The following PTPRD variants were observed in gnomAD, a reference collection of about 807,000 sequenced individuals.
PTPRD encodes the protein receptor-type tyrosine-protein phosphatase delta.
Under a neutral mutation model 214.5 loss-of-function variants are expected in PTPRD, and 34 were observed. The ratio of observed to expected loss-of-function variants is 0.16; its 90% CI spans 0.12 to 0.21. The LOEUF (loss-of-function observed/expected upper bound fraction) is 0.21. Among genes scored for constraint, PTPRD ranks in the 10% least tolerant of loss-of-function variants. The probability of loss-of-function intolerance (pLI) is 1.00; values close to 1 mark genes in which losing one functional copy is unlikely to be tolerated. For synonymous variants in PTPRD, 1,128 were observed against 845.7 expected (o/e 1.33, Z -5.79); for missense variants, 2,545 against 2,398.7 (o/e 1.06, Z -1.27).
intron 10 of PTPRD, among the ~76,000 whole-genome samples, chr9:9,134,009 C>A (rs2099846869): frequency 6.6e-6 from 1 of 151,752 alleles, no homozygotes; most frequent in Admixed American, 6.6e-5. Context: ...ATCTGCTACT[C>A]CTGCAGTCTT....
chr9:8,484,617 C>CATATATATATCTAT (rs2096958692), intron 29 of PTPRD, among the ~76,000 whole-genome samples: 1 of 147,748 alleles, frequency 6.8e-6, no homozygotes, highest in Non-Finnish European at 1.5e-5. Flanking sequence ...TAGATATATA[C>CATATATATATCTAT]ATATATATAT....
At chr9:9,186,583 C>A (rs1294533885) in intron 9 of PTPRD, among the ~76,000 whole-genome samples, 1 of 151,694 alleles carries the variant, frequency 6.6e-6, no homozygotes, top group Non-Finnish European at 1.5e-5. Flanking sequence ...CGCACTCCAA[C>A]CTGGACAACA....
rs1464669593 is a variant in PTPRD at position 9,543,272 on chromosome 9, T to C, written c.-237+31460A>G. On this transcript the variant is annotated intron_variant, in intron 8 of 45. Coordinates refer to ENST00000381196, the MANE Select transcript of PTPRD (RefSeq NM_002839.4). Reference sequence around the variant, plus strand: ...GACATAACAAATTATGGGGATGCTATTCAGAAAATGTTGCCACTGGTGGAT... The same window carrying C: ...GACATAACAAATTATGGGGATGCTACTCAGAAAATGTTGCCACTGGTGGAT... Among the ~76,000 whole-genome samples, 13 of 151,676 alleles carry C rather than the reference T, an allele frequency of 8.6e-5. No individual in the cohort carries two copies. In the Admixed American group the frequency reaches 8.6e-4, roughly 10 times the overall value.
In PTPRD at chr9:8,485,890, T is replaced by G. The variant is rs767404549; in HGVS notation, c.2927A>C (p.Asp976Ala). 7 of 1,614,058 alleles carry G rather than the reference T, an allele frequency of 4.3e-6. No individual in the cohort carries two copies. The highest frequency in any genetic ancestry group is 3.3e-5 in the South Asian group (3 of 91,090). Reference protein sequence around the residue: ...LPMEQLIVPADTTMTLTGLKP... With the variant: ...LPMEQLIVPAATTMTLTGLKP... The stretch of plus-strand genomic sequence containing the variant: ...TAAGCCAGTGAGTGTCATAGTGGTG[T>G]CAGCTGGAACAATAAGCTGCTCCAT... Residue 976 changes from aspartate to alanine, a missense_variant, in exon 28 of 46, where the codon GAC (aspartate) becomes GCC (alanine). Asp to Ala is a moderately radical substitution (Grantham distance 126). Transcript: ENST00000381196.
At chr9:8,928,999 G>A (rs558125934) in intron 11 of PTPRD, among the ~76,000 whole-genome samples, 9 of 152,114 alleles carry the variant, frequency 5.9e-5, no homozygotes, top group African/African-American at 2.2e-4. Flanking sequence ...GTCTATTATT[G>A]GTGTATAGGA....
At chr9:9,233,981 C>A (rs947887052) in intron 9 of PTPRD, among the ~76,000 whole-genome samples, 2 of 152,110 alleles carry the variant, frequency 1.3e-5, no homozygotes, top group Non-Finnish European at 2.9e-5. Flanking sequence ...GGATGATGGC[C>A]CTTTTTTTCA....
Position 10,055,076 on chromosome 9 carries a change from C to A in PTPRD, c.-544-21286G>T, listed in dbSNP as rs146015961. Among the ~76,000 whole-genome samples, 549 of 152,156 alleles carry A rather than the reference C, an allele frequency of 3.6e-3. 7 individuals are homozygous for A. Among genetic ancestry groups the A allele is most frequent in the African/African-American group, 0.013 (531 of 41,534 alleles). ...ATGTGAGGACCCAGCAAGAAGGTGGCCCTCTGCAAGTTGAAGAGGGCCTTC... is the reference window on the plus strand; with the variant it reads ...ATGTGAGGACCCAGCAAGAAGGTGGACCTCTGCAAGTTGAAGAGGGCCTTC... On this transcript the variant is annotated intron_variant, in intron 3 of 45. Coordinates refer to ENST00000381196, the MANE Select transcript of PTPRD (RefSeq NM_002839.4).
intron 8 of PTPRD, among the ~76,000 whole-genome samples, chr9:9,471,169 C>A (rs756177768): frequency 6.6e-6 from 1 of 152,106 alleles, no homozygotes; most frequent in Non-Finnish European, 1.5e-5. Context: ...GTATCATTTT[C>A]CCAGACATAT....
intron 39 of PTPRD, among the ~76,000 whole-genome samples, chr9:8,344,514 G>A (rs2132705851): frequency 6.6e-6 from 1 of 151,800 alleles, no homozygotes; most frequent in Non-Finnish European, 1.5e-5. Flanking sequence ...ATCATGAATT[G>A]TGGGATGAAA....
intron 6 of PTPRD, among the ~76,000 whole-genome samples, chr9:9,754,535 G>T (rs2098550798): frequency 6.6e-6 from 1 of 151,980 alleles, no homozygotes; most frequent in African/African-American, 2.4e-5. Flanking sequence ...GGCAAAAAAT[G>T]CATTAGCATC....
rs895788463 is a variant in PTPRD, at chr9:10,083,344, G to T, written c.-544-49554C>A. Among the ~76,000 whole-genome samples the T allele has an allele frequency of 5.9e-5, 9 of 151,954 alleles. 1 individual carries two copies. Among genetic ancestry groups the T allele is most frequent in the Non-Finnish European group, 1.2e-4 (8 of 67,980 alleles). Reference sequence around the variant, plus strand: ...CTTATAAGTCTTAAGCATTCTCAATGCCTATGTAGGTTTTCATATACACAG... The same window carrying T: ...CTTATAAGTCTTAAGCATTCTCAATTCCTATGTAGGTTTTCATATACACAG... On this transcript the variant is annotated intron_variant, in intron 3 of 45. Transcript: ENST00000381196.
intron 36 of PTPRD, among the ~76,000 whole-genome samples, chr9:8,402,073 G>A (rs2092462724): frequency 6.6e-6 from 1 of 152,172 alleles, no homozygotes; most frequent in Non-Finnish European, 1.5e-5. Context: ...ATGATTGACT[G>A]CCCTCAAGAA....
rs184419372 is a variant in PTPRD, at chr9:8,579,131, C to T, written c.353-50352G>A. On this transcript the variant is annotated intron_variant, in intron 14 of 45. Coordinates refer to ENST00000381196, the MANE Select transcript of PTPRD (RefSeq NM_002839.4). The stretch of plus-strand genomic sequence containing the variant: ...AGAAACAGGGAGAATAAGGATATTG[C>T]TATAGCATGGTATCATCTAAAATCA... Among the ~76,000 whole-genome samples, 535 of 152,258 alleles carry T rather than the reference C, an allele frequency of 3.5e-3. 3 individuals are homozygous for T. The highest frequency in any genetic ancestry group is 4.4e-3 in the Non-Finnish European group (300 of 68,016).
At chr9:9,550,887 A>G (rs960176338) in intron 8 of PTPRD, among the ~76,000 whole-genome samples, 4 of 151,988 alleles carry the variant, frequency 2.6e-5, no homozygotes, top group Non-Finnish European at 5.9e-5. Context: ...TAAAATCACA[A>G]GAACATATCA....
At chr9:9,548,477 G>A (rs1306216895) in intron 8 of PTPRD, among the ~76,000 whole-genome samples, 13 of 143,532 alleles carry the variant, frequency 9.1e-5, no homozygotes, top group African/African-American at 3.4e-4. Context: ...ACATGATCTT[G>A]GTTCACTGTA....
chr9:8,840,121 T>C (rs2097530170), intron 11 of PTPRD, among the ~76,000 whole-genome samples: 1 of 152,170 alleles, frequency 6.6e-6, no homozygotes, highest in African/African-American at 2.4e-5. Context: ...AACGGTAACA[T>C]CAGTATCCCT....
chr9:9,582,595 C>A (rs1490532531), intron 7 of PTPRD, among the ~76,000 whole-genome samples: 1 of 152,018 alleles, frequency 6.6e-6, no homozygotes, highest in African/African-American at 2.4e-5. Context: ...GGAATAACTG[C>A]TAATGGGTAA....
At chr9:10,418,840 A>T (rs1207146143) in intron 2 of PTPRD, among the ~76,000 whole-genome samples, 2 of 151,912 alleles carry the variant, frequency 1.3e-5, no homozygotes, top group Middle Eastern at 3.2e-3. Flanking sequence ...GAGGGACAGA[A>T]TTAGATTCCT....
chr9:9,407,953 G>C (rs1311279563), intron 8 of PTPRD, among the ~76,000 whole-genome samples: 1 of 151,752 alleles, frequency 6.6e-6, no homozygotes, highest in Non-Finnish European at 1.5e-5. Flanking sequence ...TACTTGGAAA[G>C]TGGAAGACTT....
Sources: allele counts gnomAD v4.1 joint callset (sites outside exome capture counted in the v4.1 genomes callset), GRCh38; gene constraint gnomAD v4.1.1; transcripts MANE v1.5; gene names NCBI Gene and HGNC (gene_info 2026-07-23, HGNC 2026-07-21).